Variants in CNTNAP5 observed in about 807,000 individuals in gnomAD.
CNTNAP5 encodes contactin associated protein family member 5.
In CNTNAP5, 72 loss-of-function variants were observed where a neutral mutation model predicts 150.2. That is an observed-to-expected ratio of 0.48 (90% CI 0.40 to 0.58). CNTNAP5 has a LOEUF of 0.58. Among genes scored for constraint, CNTNAP5 ranks in the 20% least tolerant of loss-of-function variants. The pLI is 0.00. For missense variants in CNTNAP5, 1,636 were observed against 1,626.2 expected, an observed-to-expected ratio of 1.01 and a Z score of -0.10; for synonymous variants, 672 against 619.8, an observed-to-expected ratio of 1.08 and a Z score of -1.25.
intron 3 of CNTNAP5, among the ~76,000 whole-genome samples, chr2:124,308,158 T>C (rs1170882904): frequency 6.6e-6 from 1 of 152,232 alleles, no homozygotes; most frequent in East Asian, 1.9e-4. Context: ...TCTCTTCTCT[T>C]TATGGAAAGT....
At chr2:124,912,072 T>C (rs1360281408) in intron 23 of CNTNAP5, among the ~76,000 whole-genome samples, 2 of 152,066 alleles carry the variant, frequency 1.3e-5, no homozygotes, top group African/African-American at 4.8e-5. Flanking sequence ...TCAGCTCTCC[T>C]GCTTTTCCAT....
At chr2:124,492,327 G>A (rs769704029) in intron 7 of CNTNAP5, among the ~76,000 whole-genome samples, 4 of 152,078 alleles carry the variant, frequency 2.6e-5, no homozygotes, top group Non-Finnish European at 4.4e-5. Flanking sequence ...TCATTCTTTT[G>A]CAGGAGGATA....
Position 124,764,164 on chromosome 2 carries a change from A to T in CNTNAP5, c.2533+17A>T. 6.3e-7 allele frequency: 1 copy of T among 1,599,410 alleles called. No individual in the cohort carries two copies. Among genetic ancestry groups the T allele is most frequent in the Non-Finnish European group, 8.6e-7 (1 of 1,167,894 alleles). On this transcript the variant is annotated intron_variant, in intron 16 of 23. Transcript: ENST00000682447. ...AAATAAGCTGTAAGTGCCCTCAATTATGAATTTAATGTAACTGATCAACAA... is the reference window on the plus strand; with the variant it reads ...AAATAAGCTGTAAGTGCCCTCAATTTTGAATTTAATGTAACTGATCAACAA...
intron 11 of CNTNAP5, among the ~76,000 whole-genome samples, chr2:124,584,222 A>G (rs567273417): frequency 5.7e-4 from 87 of 152,264 alleles, no homozygotes; most frequent in Non-Finnish European, 6.0e-4. Flanking sequence ...CGGGTTTTGC[A>G]AGAAGATCTT....
chr2:124,551,011 G>A (rs1339882386), intron 10 of CNTNAP5, among the ~76,000 whole-genome samples: 1 of 152,056 alleles, frequency 6.6e-6, no homozygotes, highest in Non-Finnish European at 1.5e-5. Context: ...TTGAAGAACT[G>A]AGCACTTCAG....
chr2:124,585,058 G>A (rs1050583572), intron 11 of CNTNAP5, among the ~76,000 whole-genome samples: 5 of 152,170 alleles, frequency 3.3e-5, no homozygotes, highest in African/African-American at 1.2e-4. Flanking sequence ...CTTAAGTTTA[G>A]GGAGCAAGCA....
At chr2:124,786,356 A>AAAGG (rs1681573556) in intron 17 of CNTNAP5, among the ~76,000 whole-genome samples, 4 of 48,564 alleles carry the variant, frequency 8.2e-5, no homozygotes, top group East Asian at 1.0e-3. Context: ...AGAAAGGAAG[A>AAAGG]AAGAAAGAAA....
intron 3 of CNTNAP5, among the ~76,000 whole-genome samples, chr2:124,408,839 C>T: frequency 6.6e-6 from 1 of 152,162 alleles, no homozygotes; most frequent in Non-Finnish European, 1.5e-5. Context: ...CTCTCCTCCT[C>T]CAAAGGAATG....
intron 6 of CNTNAP5, among the ~76,000 whole-genome samples, chr2:124,448,261 C>T (rs1692874152): frequency 1.0e-5 from 1 of 97,106 alleles, no homozygotes; most frequent in South Asian, 4.4e-4. Context: ...GAGTCAGACT[C>T]CGTCTTAAAA....
At chr2:124,122,328 A>G (rs1683583338) in intron 1 of CNTNAP5, among the ~76,000 whole-genome samples, 1 of 152,204 alleles carries the variant, frequency 6.6e-6, no homozygotes. Context: ...AGATATATTT[A>G]AAGTCATAAC....
At chr2:124,234,172 C>CTA (rs1177838212) in intron 2 of CNTNAP5, among the ~76,000 whole-genome samples, 6 of 151,914 alleles carry the variant, frequency 3.9e-5, no homozygotes, top group Non-Finnish European at 5.9e-5. Context: ...GCTGAATCTT[C>CTA]TATATATATA....
At chr2:124,497,179 T>C (rs547540700) in intron 7 of CNTNAP5, among the ~76,000 whole-genome samples, 1 of 152,218 alleles carries the variant, frequency 6.6e-6, no homozygotes, top group East Asian at 1.9e-4. Flanking sequence ...CTTTCTGGAG[T>C]CTTCCACAAA....
At chr2:124,465,794 TATAAAGA>T (rs1693363903) in intron 6 of CNTNAP5, among the ~76,000 whole-genome samples, 1 of 152,102 alleles carries the variant, frequency 6.6e-6, no homozygotes, top group Non-Finnish European at 1.5e-5. Flanking sequence ...AGAGGCAAAC[TATAAAGA>T]ATAAACACAA....
chr2:124,387,962 G>A (rs1252805184), intron 3 of CNTNAP5, among the ~76,000 whole-genome samples: 3 of 152,138 alleles, frequency 2.0e-5, no homozygotes, highest in African/African-American at 7.2e-5. Flanking sequence ...GAGGGAAAAT[G>A]GGATGGAGAC....
Position 124,688,971 on chromosome 2 carries a change from G to A in CNTNAP5, c.2077+41013G>A, listed in dbSNP as rs145863274. Among the ~76,000 whole-genome samples, 78 of 152,230 alleles carry A rather than the reference G, an allele frequency of 5.1e-4. 1 individual carries two copies. Among genetic ancestry groups the A allele is most frequent in the African/African-American group, 1.6e-3 (68 of 41,556 alleles). On this transcript the variant is annotated intron_variant, in intron 13 of 23. Coordinates refer to ENST00000682447, the MANE Select transcript of CNTNAP5 (RefSeq NM_001367498.1). ...TAATGTATTTTGATAATAGCAGGCA[G>A]ATAATTATACAAGGATAATGTTCAC...
chr2:124,105,382 C>T (rs1169082442), intron 1 of CNTNAP5, among the ~76,000 whole-genome samples: 1 of 152,156 alleles, frequency 6.6e-6, no homozygotes, highest in African/African-American at 2.4e-5. Context: ...TGAATTAAAA[C>T]ATATGAAAAC....
chr2:124,384,702 G>A (rs561618373), intron 3 of CNTNAP5, among the ~76,000 whole-genome samples: 20 of 152,266 alleles, frequency 1.3e-4, no homozygotes, highest in Admixed American at 1.3e-3. Context: ...CTCTGAGGAA[G>A]AAGAAAAATA....
chr2:124,818,512 A>G (rs939429173), intron 19 of CNTNAP5, among the ~76,000 whole-genome samples: 1 of 152,086 alleles, frequency 6.6e-6, no homozygotes. Context: ...ATTCTGGACA[A>G]CAGTATGAGA....
At chr2:124,272,713 G>C (rs1046297287) in intron 3 of CNTNAP5, among the ~76,000 whole-genome samples, 1 of 152,162 alleles carries the variant, frequency 6.6e-6, no homozygotes, top group Non-Finnish European at 1.5e-5. Context: ...TTAGATAACA[G>C]TATCTGCCTG....
Sources: gnomAD v4.1 joint callset for allele counts (sites outside exome capture counted in the v4.1 genomes callset) on GRCh38, gnomAD v4.1.1 for gene constraint, MANE v1.5 for transcripts, NCBI Gene and HGNC (gene_info 2026-07-23, HGNC 2026-07-21) for gene names.